The following IP6K3 variants were observed in gnomAD, a reference collection of about 807,000 sequenced individuals.
The protein encoded by IP6K3 is ATP:1D-myo-inositol-hexakisphosphate phosphotransferase.
In IP6K3, 20 loss-of-function variants were observed where a neutral mutation model predicts 28.8. The ratio of observed to expected loss-of-function variants is 0.70; its 90% CI spans 0.49 to 1.01. The LOEUF (loss-of-function observed/expected upper bound fraction) is 1.01. Ranked by LOEUF, IP6K3 falls within the 50% of genes least tolerant of loss-of-function variation. The pLI is 0.00. For synonymous variants in IP6K3, 213 were observed against 221.3 expected, an observed-to-expected ratio of 0.96 and a Z score of 0.33; for missense variants, 480 against 537.1, an observed-to-expected ratio of 0.89 and a Z score of 1.05.
At chr6:33,748,770 G>C (rs146189951), upstream of IP6K3, among the ~76,000 whole-genome samples, 7 of 151,732 alleles carry the variant, frequency 4.6e-5, no homozygotes, top group East Asian at 1.4e-3. Context: ...GTGGATGGAC[G>C]TGGGCCTCCC....
upstream of IP6K3, among the ~76,000 whole-genome samples, chr6:33,748,363 G>A (rs1766967987): frequency 6.6e-6 from 1 of 152,026 alleles, no homozygotes. Context: ...CAGGTGGACT[G>A]AACCCATTCT....
In IP6K3 at chr6:33,726,834, G is replaced by A. The variant is rs1242781757; in HGVS notation, c.486C>T (p.Asn162=). ...TPAFSLVEDT[N]GNQVERKSFN... is the part of the protein sequence containing the mutation. Reference sequence around the variant, plus strand: ...AGCTCTTCCTCTCAACCTGGTTTCCGTTGGTGTCTTCCACCAGCGAGAAGG... The same window carrying A: ...AGCTCTTCCTCTCAACCTGGTTTCCATTGGTGTCTTCCACCAGCGAGAAGG... The change falls in exon 4 of 6, where the codon AAC becomes AAT. Residue 162 remains asparagine (N), a synonymous_variant. Coordinates refer to ENST00000293756, the MANE Select transcript of IP6K3 (RefSeq NM_054111.5). 12 of 1,613,436 alleles carry A rather than the reference G, an allele frequency of 7.4e-6. No individual in the cohort carries two copies. Among genetic ancestry groups the A allele is most frequent in the Admixed American group, 1.7e-5 (1 of 59,990 alleles).
At chr6:33,740,066 A>G (rs1265467020) in intron 1 of IP6K3, among the ~76,000 whole-genome samples, 1 of 152,148 alleles carries the variant, frequency 6.6e-6, no homozygotes, top group Non-Finnish European at 1.5e-5. Context: ...CCTGCTGCCA[A>G]ATATCCTTGG....
At chr6:33,759,345 T>C in the IP6K3 span, among the ~76,000 whole-genome samples, 1 of 152,168 alleles carries the variant, frequency 6.6e-6, no homozygotes, top group Non-Finnish European at 1.5e-5. Context: ...GGCGCGATCT[T>C]GGCTCACTGC....
upstream of IP6K3, among the ~76,000 whole-genome samples, chr6:33,748,967 C>T (rs1766984319): frequency 6.6e-6 from 1 of 152,180 alleles, no homozygotes; most frequent in Non-Finnish European, 1.5e-5. Context: ...TGTCCCTCCC[C>T]CTGCCCAGCT....
the IP6K3 span, among the ~76,000 whole-genome samples, chr6:33,753,910 G>A: frequency 1.3e-5 from 2 of 152,112 alleles, no homozygotes; most frequent in African/African-American, 4.8e-5. Context: ...CCGGGTTCAC[G>A]CCATTCTCCT....
intron 5 of IP6K3, 114 bp from the exon 6 acceptor site, chr6:33,723,301 G>A (rs1765981966): frequency 2.9e-6 from 2 of 684,608 alleles, no homozygotes; most frequent in Non-Finnish European, 4.8e-6. Context: ...TTTAGGAGAT[G>A]TAGGGCAAGA....
chr6:33,758,661 G>A, the IP6K3 span, among the ~76,000 whole-genome samples: 1 of 152,240 alleles, frequency 6.6e-6, no homozygotes, highest in African/African-American at 2.4e-5. Flanking sequence ...GTGCAGTGGC[G>A]CGAACTTGGC....
rs748566348 is a variant in IP6K3 at position 33,735,648 on chromosome 6, G to A, written c.-172C>T. ...GTCCTCCTGTCTGTGGGTTCTCAGC[G>A]GGGTCCTCTGGAAAGCAGGGGAGGA... On this transcript the variant is annotated 5_prime_UTR_variant, in exon 2 of 6. Transcript: ENST00000293756. 186 of 1,422,540 alleles carry A rather than the reference G, an allele frequency of 1.3e-4. No individual in the cohort carries two copies. The Middle Eastern group carries it at 1.8e-3, about 14-fold the overall frequency. The allele number at this position is 1,422,540 out of a possible 1,614,324, so 88.1% of individuals were successfully genotyped here. A position where few individuals can be genotyped will look rare whatever the true frequency, so the allele number is the denominator to read the frequency against.
the IP6K3 span, among the ~76,000 whole-genome samples, chr6:33,754,030 T>C: frequency 1.3e-5 from 2 of 152,186 alleles, no homozygotes; most frequent in African/African-American, 4.8e-5. Context: ...AGGATGGTCT[T>C]GATCTCCTGA....
intron 2 of IP6K3, among the ~76,000 whole-genome samples, chr6:33,734,759 A>G (rs1400215412): frequency 1.3e-5 from 2 of 152,138 alleles, no homozygotes; most frequent in African/African-American, 4.8e-5. Context: ...TCCCAGCTAC[A>G]CGCAAGCGGC....
At chr6:33,736,894 G>C (rs1016954590) in intron 1 of IP6K3, among the ~76,000 whole-genome samples, 1 of 152,154 alleles carries the variant, frequency 6.6e-6, no homozygotes, top group African/African-American at 2.4e-5. Flanking sequence ...TTGAGATAAG[G>C]CCCGTGGAAA....
intron 5 of IP6K3, among the ~76,000 whole-genome samples, chr6:33,723,539 T>C (rs891873353): frequency 1.3e-5 from 2 of 152,222 alleles, no homozygotes; most frequent in African/African-American, 4.8e-5. Flanking sequence ...CCCTCTTCAA[T>C]TCAAATATTA....
At position 33,723,397 on chromosome 6, in the gene IP6K3, T is replaced by C. The variant is rs555023410; in HGVS notation, c.766-210A>G. The stretch of plus-strand genomic sequence containing the variant: ...AAATGCTTTCTGTGCAAGTCTTTAA[T>C]AGTAATCCAAGGTCTAAAGATCCTT... On this transcript the variant is annotated intron_variant, in intron 5 of 5. Transcript: ENST00000293756. Among the ~76,000 whole-genome samples, 4 of 152,328 alleles carry C rather than the reference T, an allele frequency of 2.6e-5. No individual in the cohort carries two copies. In the South Asian group the frequency reaches 6.2e-4, roughly 24 times the overall value.
intron 4 of IP6K3, 88 bp from the exon 5 acceptor site, chr6:33,725,704 A>G: frequency 8.1e-7 from 1 of 1,235,388 alleles, no homozygotes; most frequent in East Asian, 2.4e-5. Flanking sequence ...AGCTGCCTGG[A>G]AATTCCCTAT....
chr6:33,722,514 G>A lies in IP6K3; in HGVS notation c.*206C>T. On this transcript the variant is annotated 3_prime_UTR_variant, in exon 6 of 6. Coordinates refer to ENST00000293756, the MANE Select transcript of IP6K3 (RefSeq NM_054111.5). Reference sequence around the variant, plus strand: ...GTCTGTTCTCCGATGAGCAGCATTAGAGCATAATGCCAGGGGATGTGGAAT... The same window carrying A: ...GTCTGTTCTCCGATGAGCAGCATTAAAGCATAATGCCAGGGGATGTGGAAT... 2.1e-6 allele frequency: 1 copy of A among 487,408 alleles called. No homozygotes were observed. Among genetic ancestry groups the A allele is most frequent in the Non-Finnish European group, 3.6e-6 (1 of 275,512 alleles). 30.2% of individuals were successfully genotyped at this position (487,408 alleles called of 1,614,324 possible).
At chr6:33,737,908 G>A (rs771662772) in intron 1 of IP6K3, among the ~76,000 whole-genome samples, 1 of 152,220 alleles carries the variant, frequency 6.6e-6, no homozygotes, top group Non-Finnish European at 1.5e-5. Flanking sequence ...AGCTGTTTCA[G>A]GACCTGAGAA....
upstream of IP6K3, among the ~76,000 whole-genome samples, chr6:33,751,904 A>G (rs1767028135): frequency 6.6e-6 from 1 of 152,190 alleles, no homozygotes; most frequent in Admixed American, 6.5e-5. The surrounding 1 kb of genome is among the most constrained non-coding windows in gnomAD (Gnocchi z 4.3). Context: ...GGAGGAGATG[A>G]CTGCCCCTGC....
chr6:33,756,560 A>G, the IP6K3 span, among the ~76,000 whole-genome samples: 1 of 152,142 alleles, frequency 6.6e-6, no homozygotes, highest in Non-Finnish European at 1.5e-5. Context: ...ATCCTAAACA[A>G]TCTGTGAAGC....
Sources: allele counts gnomAD v4.1 joint callset (sites outside exome capture counted in the v4.1 genomes callset), GRCh38; gene constraint gnomAD v4.1.1; non-coding constraint Gnocchi (gnomAD v3.1); transcripts MANE v1.5; gene names NCBI Gene and HGNC (gene_info 2026-07-23, HGNC 2026-07-21).